The following TYW1 variants were observed in gnomAD, a reference collection of about 807,000 sequenced individuals.
TYW1 encodes tRNA-yW synthesizing protein 1 homolog.
TYW1 carries 46 observed loss-of-function variants against 96.2 expected under a neutral mutation model. The observed-to-expected ratio is 0.48, with a 90% CI of 0.38 to 0.61. The LOEUF (loss-of-function observed/expected upper bound fraction) is 0.61. Ranked by LOEUF, TYW1 falls within the 20% of genes least tolerant of loss-of-function variation. The pLI is 0.00. For missense variants in TYW1, 684 were observed against 909.6 expected, an observed-to-expected ratio of 0.75 and a Z score of 3.19; for synonymous variants, 274 against 323.0, an observed-to-expected ratio of 0.85 and a Z score of 1.63.
chr7:67,014,134 A>G (rs1448317336), intron 4 of TYW1, among the ~76,000 whole-genome samples: 2 of 152,188 alleles, frequency 1.3e-5, no homozygotes, highest in Non-Finnish European at 2.9e-5. Context: ...AATGGCGTAT[A>G]TGGTGAAATA....
chr7:67,018,233 G>T, intron 6 of TYW1, 90 bp downstream of exon 6: 2 of 1,504,252 alleles, frequency 1.3e-6, no homozygotes, highest in Non-Finnish European at 1.8e-6. Context: ...CCATCTCGTT[G>T]GCTTCTGGTT....
intron 13 of TYW1, among the ~76,000 whole-genome samples, chr7:67,160,253 C>G (rs1243486367): frequency 3.3e-5 from 5 of 152,076 alleles, no homozygotes; most frequent in African/African-American, 1.2e-4. Context: ...CAGAGCAAGA[C>G]CCTATCTCTT....
intron 15 of TYW1, among the ~76,000 whole-genome samples, chr7:67,230,084 C>CT (rs1801698957): frequency 6.7e-6 from 1 of 148,216 alleles, no homozygotes; most frequent in Non-Finnish European, 1.5e-5. Context: ...GCCACGGTCT[C>CT]TTTAACACCC....
intron 12 of TYW1, among the ~76,000 whole-genome samples, chr7:67,111,291 C>T (rs1360397491): frequency 2.0e-5 from 3 of 152,068 alleles, no homozygotes; most frequent in Non-Finnish European, 4.4e-5. Flanking sequence ...GCAACCTCCG[C>T]CTCCCGGGTT....
At chr7:67,219,021 G>A (rs1487597519) in intron 15 of TYW1, among the ~76,000 whole-genome samples, 1 of 152,196 alleles carries the variant, frequency 6.6e-6, no homozygotes, top group Non-Finnish European at 1.5e-5. Context: ...TATTGAGTAT[G>A]ATATTCACTG....
chr7:67,013,844 T>C (rs1249173553), intron 4 of TYW1, among the ~76,000 whole-genome samples: 11 of 148,270 alleles, frequency 7.4e-5, no homozygotes, highest in South Asian at 2.2e-4. Context: ...CCTGGATTCA[T>C]GCCATTCTCC....
chr7:67,003,515 C>T (rs2129237527), intron 3 of TYW1, among the ~76,000 whole-genome samples: 1 of 151,186 alleles, frequency 6.6e-6, no homozygotes, highest in Middle Eastern at 3.4e-3. Context: ...TAGTAAACTG[C>T]ATGTATTCAG....
rs965966340 is a variant in TYW1 at position 67,094,647 on chromosome 7, TTAGAG to T, written c.1385-3892_1385-3888del. ...GTGTGGGAGGAAGAGAGAGAGAGAATTAGAGTGTGTGTGTGTGTGTGTGTGTGTGT... is the reference window on the plus strand; with the variant it reads ...GTGTGGGAGGAAGAGAGAGAGAGAATTGTGTGTGTGTGTGTGTGTGTGTGT... On this transcript the variant is annotated intron_variant, in intron 11 of 15. Coordinates refer to ENST00000359626, the MANE Select transcript of TYW1 (RefSeq NM_018264.4). 5.6e-3 allele frequency among the ~76,000 whole-genome samples: 621 copies of T among 111,404 alleles called. 18 individuals are homozygous for T. The highest frequency in any genetic ancestry group is 8.4e-4 in the Non-Finnish European group (46 of 54,964). The allele number at this position is 111,404 out of a possible 152,430, so 73.1% of individuals were successfully genotyped here. A position where few individuals can be genotyped will look rare whatever the true frequency, so the allele number is the denominator to read the frequency against.
chr7:67,136,106 G>A (rs1335082158), intron 13 of TYW1, among the ~76,000 whole-genome samples: 1 of 152,130 alleles, frequency 6.6e-6, no homozygotes, highest in African/African-American at 2.4e-5. Flanking sequence ...TTATCTTTTA[G>A]CACTTGTTTA....
At chr7:67,084,608 C>G (rs1796490921) in intron 11 of TYW1, among the ~76,000 whole-genome samples, 1 of 151,670 alleles carries the variant, frequency 6.6e-6, no homozygotes, top group Non-Finnish European at 1.5e-5. Flanking sequence ...ACCTTCACTT[C>G]CCAGGATCAG....
chr7:67,165,654 G>A (rs541440624), intron 13 of TYW1, among the ~76,000 whole-genome samples: 16 of 152,286 alleles, frequency 1.1e-4, no homozygotes, highest in African/African-American at 3.4e-4. Flanking sequence ...AGGGCCAGGC[G>A]TGGTGGCTCA....
intron 13 of TYW1, among the ~76,000 whole-genome samples, chr7:67,166,538 CT>C (rs145672014): frequency 0.27 from 41,025 of 149,564 alleles, 6,180 homozygotes; most frequent in African/African-American, 0.4. Flanking sequence ...TCATCAGCCC[CT>C]CCCCTCTCTA....
chr7:67,026,659 GAGAAGGA>G (rs1794464085), intron 7 of TYW1, among the ~76,000 whole-genome samples: 1 of 151,046 alleles, frequency 6.6e-6, no homozygotes, highest in African/African-American at 2.4e-5. Context: ...AAGTAGTGAT[GAGAAGGA>G]TGAGCCACCA....
intron 12 of TYW1, among the ~76,000 whole-genome samples, chr7:67,106,555 C>G (rs1797251559): frequency 6.6e-6 from 1 of 152,098 alleles, no homozygotes; most frequent in Admixed American, 6.5e-5. Context: ...ATAGCTTCTT[C>G]CCTCTGAGGA....
Position 67,018,140 on chromosome 7 carries a change from C to T in TYW1, c.858C>T (p.Thr286=), listed in dbSNP as rs749285044. 3.4e-5 allele frequency: 54 copies of T among 1,611,660 alleles called. No individual in the cohort carries two copies. The highest frequency in any genetic ancestry group is 6.7e-5 in the East Asian group (3 of 44,822). The change falls in exon 6 of 16, where the codon ACC becomes ACT. Residue 286 remains threonine (T), a synonymous_variant. Transcript: ENST00000359626. ...AGGATGAATTGCATCATAGAGACAC[C>T]GAGGTATACCGCCTGTGTGTTCATC... ...HEQDELHHRD[T]EEEEPFESSS...
chr7:67,007,568 G>T (rs1026242774), intron 3 of TYW1, among the ~76,000 whole-genome samples: 1 of 152,078 alleles, frequency 6.6e-6, no homozygotes, highest in African/African-American at 2.4e-5. Flanking sequence ...ATTTGGAGGG[G>T]ACGAATATCC....
chr7:67,203,663 A>G (rs1409597893), intron 15 of TYW1, among the ~76,000 whole-genome samples: 1 of 145,274 alleles, frequency 6.9e-6, no homozygotes, highest in Non-Finnish European at 1.5e-5. Context: ...TATCAAAGGT[A>G]ACTTAGAAAA....
intron 15 of TYW1, among the ~76,000 whole-genome samples, chr7:67,222,659 C>CT (rs1392942430): frequency 6.6e-6 from 1 of 151,832 alleles, no homozygotes; most frequent in East Asian, 1.9e-4. Context: ...TGGTGTGTGT[C>CT]TTTTTTAGTT....
At chr7:67,063,176 G>A (rs1231895208) in intron 9 of TYW1, among the ~76,000 whole-genome samples, 2 of 152,106 alleles carry the variant, frequency 1.3e-5, no homozygotes, top group East Asian at 1.9e-4. Context: ...TATCAAACAT[G>A]CTAAGAAGAA....
Sources: gnomAD v4.1 joint callset for allele counts (sites outside exome capture counted in the v4.1 genomes callset) on GRCh38, gnomAD v4.1.1 for gene constraint, MANE v1.5 for transcripts, NCBI Gene and HGNC (gene_info 2026-07-23, HGNC 2026-07-21) for gene names.